Variants in FREM2 observed in about 807,000 individuals in gnomAD.
FREM2 encodes FRAS1-related extracellular matrix protein 2.
Under a neutral mutation model 219.9 loss-of-function variants are expected in FREM2, and 119 were observed. The observed-to-expected ratio is 0.54, with a 90% CI of 0.47 to 0.63. FREM2 has a LOEUF of 0.63. Ranked by LOEUF, FREM2 falls within the 30% of genes least tolerant of loss-of-function variation. The pLI, the probability that FREM2 is intolerant of heterozygous loss-of-function variation, is 0.00. For synonymous variants in FREM2, 1,562 were observed against 1,522.8 expected, an observed-to-expected ratio of 1.03 and a Z score of -0.60; for missense variants, 4,030 against 3,993.6, an observed-to-expected ratio of 1.01 and a Z score of -0.25.
chr13:38,864,712 G>C (rs1593452963), intron 16 of FREM2, 106 bp downstream of exon 16: 1 of 999,094 alleles, frequency 1.0e-6, no homozygotes, highest in Admixed American at 2.0e-5. Context: ...TCTTGGTGTT[G>C]TAGGTAATTA....
chr13:38,726,122 C>T (rs969896375), intron 2 of FREM2, among the ~76,000 whole-genome samples: 13 of 151,976 alleles, frequency 8.6e-5, no homozygotes, highest in East Asian at 1.9e-4. Context: ...AAGGAGGGGG[C>T]GAGAGAAAAG....
In FREM2 at chr13:38,793,316, G is replaced by A. The variant is rs12430314; in HGVS notation, c.6019+8508G>A. 7.1e-3 allele frequency among the ~76,000 whole-genome samples: 1,084 copies of A among 152,262 alleles called. 29 individuals carry two copies. Among genetic ancestry groups the A allele is most frequent in the Admixed American group, 0.029 (438 of 15,296 alleles). On this transcript the variant is annotated intron_variant, in intron 6 of 23. Coordinates refer to ENST00000280481, the MANE Select transcript of FREM2 (RefSeq NM_207361.6). The stretch of plus-strand genomic sequence containing the variant: ...AGACAAGAACACCTTTCCCAAACCA[G>A]GTTCAGGAAAAACTTCTTTAAAAAT...
At chr13:38,793,246 A>G (rs923595075) in intron 6 of FREM2, among the ~76,000 whole-genome samples, 7 of 152,202 alleles carry the variant, frequency 4.6e-5, no homozygotes, top group African/African-American at 1.7e-4. Flanking sequence ...GTACACAGAT[A>G]AGTGAACAGA....
intron 2 of FREM2, among the ~76,000 whole-genome samples, chr13:38,703,980 G>A (rs1358172717): frequency 6.6e-6 from 1 of 152,144 alleles, no homozygotes; most frequent in East Asian, 1.9e-4. Flanking sequence ...TAATTTGATA[G>A]TATCTCAATC....
At chr13:38,729,665 G>T (rs1871685048) in intron 2 of FREM2, among the ~76,000 whole-genome samples, 1 of 152,158 alleles carries the variant, frequency 6.6e-6, no homozygotes, top group South Asian at 2.1e-4. Flanking sequence ...TACCGCATGT[G>T]TGATATGTGT....
At chr13:38,715,381 C>T (rs187752484) in intron 2 of FREM2, among the ~76,000 whole-genome samples, 14 of 152,184 alleles carry the variant, frequency 9.2e-5, no homozygotes, top group East Asian at 3.9e-4. Flanking sequence ...CCCAAATAAA[C>T]GAAAAGTGGA....
chr13:38,846,657 CT>C lies in FREM2; in HGVS notation c.6105del (p.Asp2036ThrfsTer10). The stretch of plus-strand genomic sequence containing the variant: ...GAAGTGCAGGTGTGGAGAACGGGCA[CT>C]GACCTGTCCAAGTCTTCTAGTGTCA... ...YVEVQVWRTG[T>X]DLSKSSSVTV... is the part of the protein sequence containing the mutation. On this transcript the variant is annotated frameshift_variant, in exon 7 of 24. Coordinates refer to ENST00000280481, the MANE Select transcript of FREM2 (RefSeq NM_207361.6). LOFTEE classifies it high-confidence loss of function. The C allele has an allele frequency of 6.2e-7, 1 of 1,613,832 alleles. No individual in the cohort carries two copies. Among genetic ancestry groups the C allele is most frequent in the Non-Finnish European group, 8.5e-7 (1 of 1,179,810 alleles).
rs1774456057 is a variant in FREM2, at chr13:38,765,857, C to T, written c.5410+1407C>T. On this transcript the variant is annotated intron_variant, in intron 3 of 23. Transcript: ENST00000280481. The stretch of plus-strand genomic sequence containing the variant: ...TCCATCTTCATTTTGCATGAGCCTC[C>T]ACCTGGCTGTGCTTCTCATGCTTTG... 1.3e-5 allele frequency among the ~76,000 whole-genome samples: 2 copies of T among 152,176 alleles called. 1 individual carries two copies. The highest frequency in any genetic ancestry group is 4.8e-5 in the African/African-American group (2 of 41,432).
At position 38,861,455 on chromosome 13, in the gene FREM2, G is replaced by A; in HGVS notation, c.7544G>A (p.Gly2515Glu). 2 of 1,613,752 alleles carry A rather than the reference G, an allele frequency of 1.2e-6. No individual in the cohort carries two copies. The highest frequency in any genetic ancestry group is 1.7e-6 in the Non-Finnish European group (2 of 1,179,952). Residue 2515 changes from glycine to glutamate, a missense_variant, in exon 15 of 24, where the codon GGG becomes GAG. Around this residue, in one of 2 missense-constraint regions of FREM2, gnomAD observed 928 missense variants for 1,042.9 expected, o/e 0.89. Transcript: ENST00000280481. ...EEGLCQPRVP[G>E]VVGAEPFSAK... ...GGTCTTTGTCAGCCCCGTGTACCTG[G>A]GGTTGTTGGAGCAGAGCCGTTCTCA...
intron 6 of FREM2, among the ~76,000 whole-genome samples, chr13:38,815,499 A>G (rs1875728803): frequency 6.6e-6 from 1 of 152,222 alleles, no homozygotes; most frequent in African/African-American, 2.4e-5. Context: ...ATTAGATATT[A>G]AACAAGAGAC....
intron 6 of FREM2, among the ~76,000 whole-genome samples, chr13:38,807,728 A>C (rs1437760444): frequency 6.6e-6 from 1 of 151,894 alleles, no homozygotes; most frequent in African/African-American, 2.4e-5. Flanking sequence ...TATTCATTAA[A>C]CTATGTTGTA....
chr13:38,807,166 T>C (rs1875263051), intron 6 of FREM2, among the ~76,000 whole-genome samples: 1 of 123,970 alleles, frequency 8.1e-6, no homozygotes, highest in Non-Finnish European at 1.7e-5. Flanking sequence ...TATTTTGACC[T>C]TTTTGCAGAG....
chr13:38,863,570 A>G (rs1005268845), intron 15 of FREM2, among the ~76,000 whole-genome samples: 2 of 152,034 alleles, frequency 1.3e-5, no homozygotes, highest in Non-Finnish European at 2.9e-5. Flanking sequence ...AAAAATGATG[A>G]GTGGCACTTT....
At chr13:38,733,946 A>G (rs1871873607) in intron 2 of FREM2, among the ~76,000 whole-genome samples, 1 of 152,260 alleles carries the variant, frequency 6.6e-6, no homozygotes, top group African/African-American at 2.4e-5. Context: ...AGTGATAAAA[A>G]TAAATCTTCT....
Position 38,756,374 on chromosome 13 carries a change from C to T in FREM2, c.5264-7930C>T, listed in dbSNP as rs138487570. 5.3e-5 allele frequency among the ~76,000 whole-genome samples: 8 copies of T among 152,154 alleles called. No individual in the cohort carries two copies. The East Asian group carries it at 5.8e-4, about 11-fold the overall frequency. ...TATGTGTGTTTCTATTTAAAGACAC[C>T]TTATTAACTATATGTTGTTGATTCA... On this transcript the variant is annotated intron_variant, in intron 2 of 23. Coordinates refer to ENST00000280481, the MANE Select transcript of FREM2 (RefSeq NM_207361.6).
intron 2 of FREM2, among the ~76,000 whole-genome samples, chr13:38,716,728 G>A (rs1871017688): frequency 6.6e-6 from 1 of 152,084 alleles, no homozygotes; most frequent in Non-Finnish European, 1.5e-5. Context: ...GTCTAGTCTC[G>A]AACTCCTGGC....
intron 2 of FREM2, among the ~76,000 whole-genome samples, chr13:38,731,838 A>G (rs1024405306): frequency 6.6e-6 from 1 of 152,334 alleles, no homozygotes; most frequent in South Asian, 2.1e-4. Context: ...GCTGCTGTTC[A>G]TGTTTGTAAA....
intron 2 of FREM2, among the ~76,000 whole-genome samples, chr13:38,729,596 A>G (rs1042161012): frequency 5.3e-5 from 8 of 152,134 alleles, no homozygotes; most frequent in African/African-American, 1.9e-4. Context: ...CTTTTTTTTA[A>G]CCAAAAAATA....
chr13:38,772,758 G>A (rs758663706), intron 4 of FREM2, among the ~76,000 whole-genome samples: 6 of 150,776 alleles, frequency 4.0e-5, no homozygotes, highest in South Asian at 2.1e-4. Flanking sequence ...GTGCAGTGGC[G>A]CCATCTTGGC....
Sources: allele counts gnomAD v4.1 joint callset (sites outside exome capture counted in the v4.1 genomes callset), GRCh38; gene constraint gnomAD v4.1.1; regional missense constraint gnomAD v4.1.1; transcripts MANE v1.5; gene names NCBI Gene and HGNC (gene_info 2026-07-23, HGNC 2026-07-21).